Variants in NTRK2 observed in about 807,000 individuals in gnomAD.
The protein encoded by NTRK2 is BDNF/NT-3 growth factors receptor.
Under a neutral mutation model 94.5 loss-of-function variants are expected in NTRK2, and 13 were observed. The observed-to-expected ratio is 0.14, with a 90% CI of 0.09 to 0.22. NTRK2 has a LOEUF of 0.22. NTRK2 is among the 10% of genes least tolerant of loss of function. The probability of loss-of-function intolerance (pLI) is 1.00; values close to 1 mark genes in which losing one functional copy is unlikely to be tolerated. For synonymous variants in NTRK2, 372 were observed against 407.4 expected (o/e 0.91, Z 1.05); for missense variants, 639 against 1,071.2 (o/e 0.60, Z 5.63).
rs537989523 is a variant in NTRK2, at chr9:84,932,511, G to A, written c.1634-1651G>A. Among the ~76,000 whole-genome samples the A allele has an allele frequency of 1.7e-4, 26 of 152,246 alleles. No individual in the cohort carries two copies. The East Asian group carries it at 4.4e-3, about 26-fold the overall frequency. On this transcript the variant is annotated intron_variant, in intron 14 of 18. Coordinates refer to ENST00000277120, the MANE Select transcript of NTRK2 (RefSeq NM_006180.6). ...CATTTTATTATTATTATTTACTGCA[G>A]TTTAAATTAAACTGCAGATATATGG...
At chr9:84,855,779 A>C (rs1216701404) in intron 12 of NTRK2, among the ~76,000 whole-genome samples, 1 of 152,168 alleles carries the variant, frequency 6.6e-6, no homozygotes, top group African/African-American at 2.4e-5. Context: ...CCACATAACA[A>C]TACCAAGAGA....
intron 12 of NTRK2, among the ~76,000 whole-genome samples, chr9:84,795,132 T>A (rs541379665): frequency 6.6e-6 from 1 of 152,268 alleles, no homozygotes; most frequent in African/African-American, 2.4e-5. Context: ...CATAGGCAAG[T>A]TCAGGGATCT....
In NTRK2 at chr9:84,669,979, C is replaced by T. The variant is rs1402403929; in HGVS notation, c.-373+91C>T. 2 of 153,778 alleles carry T rather than the reference C, an allele frequency of 1.3e-5. No homozygotes were observed. The highest frequency in any genetic ancestry group is 4.8e-5 in the African/African-American group (2 of 41,486). 9.5% of individuals were successfully genotyped at this position (153,778 alleles called of 1,614,324 possible). On this transcript the variant is annotated intron_variant, in intron 1 of 18. Coordinates refer to ENST00000277120, the MANE Select transcript of NTRK2 (RefSeq NM_006180.6). This position sits in a 1 kb window ranked among gnomAD's most constrained non-coding sequence, Gnocchi z 4.1. ...GCTACTCCCCAGGTGGGACGTGCCG[C>T]GCCACCTGCCCGCGCCACCGGCACC...
chr9:84,736,945 G>C (rs1273759216), intron 9 of NTRK2, among the ~76,000 whole-genome samples: 1 of 152,216 alleles, frequency 6.6e-6, no homozygotes, highest in Non-Finnish European at 1.5e-5. Context: ...TCAAAAGGCT[G>C]ATCCCCCCAT....
intron 12 of NTRK2, among the ~76,000 whole-genome samples, chr9:84,774,337 G>A (rs1387198461): frequency 6.6e-6 from 1 of 152,194 alleles, no homozygotes; most frequent in Non-Finnish European, 1.5e-5. Context: ...GACACAGATT[G>A]ACCTCACTTC....
intron 4 of NTRK2, among the ~76,000 whole-genome samples, chr9:84,706,429 A>G (rs1253747901): frequency 6.6e-6 from 1 of 151,794 alleles, no homozygotes; most frequent in Non-Finnish European, 1.5e-5. Context: ...AGGATACTTC[A>G]GTGATGACTT....
intron 12 of NTRK2, among the ~76,000 whole-genome samples, chr9:84,761,991 C>G (rs540098794): frequency 6.6e-6 from 1 of 151,918 alleles, no homozygotes; most frequent in Non-Finnish European, 1.5e-5. Flanking sequence ...ATGCTGTTCT[C>G]GTGATAGTGA....
intron 17 of NTRK2, among the ~76,000 whole-genome samples, chr9:85,004,288 C>A (rs529224305): frequency 6.6e-6 from 1 of 152,184 alleles, no homozygotes; most frequent in East Asian, 1.9e-4. Flanking sequence ...CTCTGCTTTT[C>A]TCTATAGTTT....
intron 12 of NTRK2, among the ~76,000 whole-genome samples, chr9:84,798,582 A>G (rs1039422407): frequency 2.6e-5 from 4 of 152,200 alleles, no homozygotes; most frequent in South Asian, 2.1e-4. Context: ...CCTAAGTGAA[A>G]GGGTGATATT....
chr9:84,672,004 G>A (rs1177450539), intron 2 of NTRK2, among the ~76,000 whole-genome samples: 1 of 152,168 alleles, frequency 6.6e-6, no homozygotes, highest in Non-Finnish European at 1.5e-5. Context: ...GTAAGGCAAA[G>A]TTTCTCCCAG....
chr9:84,724,445 A>T (rs868689005), intron 8 of NTRK2, 89 bp downstream of exon 8: 2 of 1,499,668 alleles, frequency 1.3e-6, no homozygotes, highest in Middle Eastern at 1.7e-4. Context: ...GTGCTGCTTA[A>T]ATTTGTTAAA....
At chr9:84,876,079 T>C (rs1457173856) in intron 14 of NTRK2, 1 of 1,032,236 alleles carries the variant, frequency 9.7e-7, no homozygotes, top group Non-Finnish European at 1.2e-6. Flanking sequence ...TCTTATGCTG[T>C]TACTATTAAT....
chr9:84,980,898 G>A (rs1827506891), intron 17 of NTRK2, among the ~76,000 whole-genome samples: 2 of 152,224 alleles, frequency 1.3e-5, no homozygotes, highest in African/African-American at 2.4e-5. Flanking sequence ...CAAGAGAGCA[G>A]GTAGTGTGAA....
At chr9:84,718,373 A>G (rs2061845808) in intron 6 of NTRK2, among the ~76,000 whole-genome samples, 1 of 152,110 alleles carries the variant, frequency 6.6e-6, no homozygotes, top group Non-Finnish European at 1.5e-5. Flanking sequence ...TGATTCATAC[A>G]CACAATAGAG....
intron 12 of NTRK2, among the ~76,000 whole-genome samples, chr9:84,802,084 A>G (rs764509379): frequency 7.9e-5 from 12 of 152,164 alleles, no homozygotes; most frequent in Non-Finnish European, 1.6e-4. Context: ...TTAGCCAACA[A>G]CTTCCTGTAA....
chr9:84,913,948 G>A (rs2077319728), intron 14 of NTRK2, among the ~76,000 whole-genome samples: 1 of 151,702 alleles, frequency 6.6e-6, no homozygotes, highest in African/African-American at 2.4e-5. Context: ...CTTTTGTTAA[G>A]ATGTAGTTCC....
At position 84,675,324 on chromosome 9, in the gene NTRK2, C is replaced by CTT. The variant is rs536445167; in HGVS notation, c.212+4390_212+4391dup. On this transcript the variant is annotated intron_variant, in intron 2 of 18. Coordinates refer to ENST00000277120, the MANE Select transcript of NTRK2 (RefSeq NM_006180.6). ...CTCTTCTCCTTTCTTTCTTTCTTTC[C>CTT]TTTTTTTTTTTTTTTTTTTTTTTTT... Among the ~76,000 whole-genome samples, 128 of 67,316 alleles carry CTT rather than the reference C, an allele frequency of 1.9e-3. 8 individuals carry two copies. Among genetic ancestry groups the CTT allele is most frequent in the African/African-American group, 3.4e-3 (56 of 16,510 alleles). 44.2% of individuals were successfully genotyped at this position (67,316 alleles called of 152,430 possible). A position where few individuals can be genotyped will look rare whatever the true frequency, so the allele number is the denominator to read the frequency against.
intron 12 of NTRK2, among the ~76,000 whole-genome samples, chr9:84,792,825 ACT>A (rs10598308): frequency 0.56 from 84,459 of 151,860 alleles, 25,904 homozygotes; most frequent in East Asian, 0.72. Flanking sequence ...AAGACTTAAA[ACT>A]CTGAGCTATC....
chr9:84,781,879 GC>G (rs2067604803), intron 12 of NTRK2, among the ~76,000 whole-genome samples: 1 of 152,060 alleles, frequency 6.6e-6, no homozygotes, highest in Admixed American at 6.6e-5. Context: ...TTTCTTTTCA[GC>G]TTGGGAATCT....
Sources: gnomAD v4.1 joint callset for allele counts (sites outside exome capture counted in the v4.1 genomes callset) on GRCh38, gnomAD v4.1.1 for gene constraint, Gnocchi (gnomAD v3.1) non-coding constraint, MANE v1.5 for transcripts, NCBI Gene and HGNC (gene_info 2026-07-23, HGNC 2026-07-21) for gene names.